Variants in PCDH9 observed in about 807,000 individuals in gnomAD.
The protein encoded by PCDH9 is protocadherin-9.
A neutral mutation model predicts 70.6 loss-of-function variants in PCDH9; 24 were observed. The ratio of observed to expected loss-of-function variants is 0.34; its 90% CI spans 0.25 to 0.48. The LOEUF (loss-of-function observed/expected upper bound fraction) is 0.48. Ranked by LOEUF, PCDH9 falls within the 20% of genes least tolerant of loss-of-function variation. The pLI is 0.99. For synonymous variants in PCDH9, 562 were observed against 558.5 expected, an observed-to-expected ratio of 1.01 and a Z score of -0.09; for missense variants, 1,281 against 1,503.6, an observed-to-expected ratio of 0.85 and a Z score of 2.45.
chr13:66,608,460 T>C (rs190517538), intron 4 of PCDH9, among the ~76,000 whole-genome samples: 1 of 152,210 alleles, frequency 6.6e-6, no homozygotes, highest in Non-Finnish European at 1.5e-5. Flanking sequence ...ATTAAGAAAG[T>C]TTCTTAGTTT....
chr13:66,514,378 A>G (rs922364584), intron 4 of PCDH9, among the ~76,000 whole-genome samples: 12 of 151,714 alleles, frequency 7.9e-5, no homozygotes, highest in Admixed American at 7.2e-4. Flanking sequence ...CAGCAGTAGT[A>G]TTGACGTGGT....
intron 3 of PCDH9, among the ~76,000 whole-genome samples, chr13:66,810,365 A>C (rs2080483049): frequency 6.6e-6 from 1 of 152,052 alleles, no homozygotes; most frequent in African/African-American, 2.4e-5. Context: ...TACAGTTCAA[A>C]AGATTGACTG....
chr13:66,764,027 G>A (rs987067827), intron 3 of PCDH9, among the ~76,000 whole-genome samples: 1 of 151,890 alleles, frequency 6.6e-6, no homozygotes. Flanking sequence ...TGAAACTCCT[G>A]ATCTTGGGTG....
At chr13:67,195,291 C>T (rs989878866) in intron 2 of PCDH9, among the ~76,000 whole-genome samples, 1 of 151,980 alleles carries the variant, frequency 6.6e-6, no homozygotes, top group African/African-American at 2.4e-5. Flanking sequence ...ACTACAGGCG[C>T]CCTCCACCAC....
At chr13:67,117,272 C>T (rs1286082114) in intron 2 of PCDH9, among the ~76,000 whole-genome samples, 1 of 152,116 alleles carries the variant, frequency 6.6e-6, no homozygotes, top group Admixed American at 6.6e-5. Flanking sequence ...CTATTGAAGG[C>T]GAGAGTAGGG....
intron 4 of PCDH9, among the ~76,000 whole-genome samples, chr13:66,610,842 T>C (rs2077285852): frequency 6.6e-6 from 1 of 152,182 alleles, no homozygotes; most frequent in African/African-American, 2.4e-5. Context: ...ATGATACCTT[T>C]TTTTAAGTCT....
chr13:66,551,138 T>C (rs1961468487), intron 4 of PCDH9, among the ~76,000 whole-genome samples: 1 of 152,176 alleles, frequency 6.6e-6, no homozygotes, highest in South Asian at 2.1e-4. Context: ...CTTTATTTTT[T>C]GCTGTTATTG....
intron 3 of PCDH9, among the ~76,000 whole-genome samples, chr13:66,902,427 A>G (rs1160820728): frequency 2.6e-4 from 39 of 151,750 alleles, no homozygotes; most frequent in South Asian, 8.3e-4. Context: ...ATACATTACC[A>G]GTGGGATTTT....
chr13:67,033,161 T>C (rs7981987), intron 2 of PCDH9, among the ~76,000 whole-genome samples: 43,769 of 152,046 alleles, frequency 0.29, 7,189 homozygotes, highest in African/African-American at 0.44. Flanking sequence ...AAGATATTTC[T>C]CTCTCTTTTC....
chr13:67,151,252 T>C (rs536703320), intron 2 of PCDH9, among the ~76,000 whole-genome samples: 1 of 152,336 alleles, frequency 6.6e-6, no homozygotes, highest in African/African-American at 2.4e-5. Flanking sequence ...GGGCCATTTA[T>C]TGTGATTTCT....
intron 4 of PCDH9, among the ~76,000 whole-genome samples, chr13:66,320,445 T>C (rs766196472): frequency 5.3e-5 from 8 of 152,068 alleles, no homozygotes; most frequent in Non-Finnish European, 1.2e-4. Context: ...CTTTATTTTT[T>C]AATCTAGTTG....
At chr13:66,440,597 G>A (rs905424240) in intron 4 of PCDH9, among the ~76,000 whole-genome samples, 1 of 152,014 alleles carries the variant, frequency 6.6e-6, no homozygotes, top group Admixed American at 6.6e-5. Context: ...TGTAGATGAT[G>A]AGAAAATAAG....
At chr13:66,702,034 C>T (rs2078654416) in intron 3 of PCDH9, among the ~76,000 whole-genome samples, 1 of 152,020 alleles carries the variant, frequency 6.6e-6, no homozygotes, top group Admixed American at 6.6e-5. Context: ...GCTGAGCTGC[C>T]CAGAGTGTAT....
chr13:66,377,348 C>T (rs1013056090), intron 4 of PCDH9, among the ~76,000 whole-genome samples: 2 of 152,024 alleles, frequency 1.3e-5, no homozygotes, highest in Non-Finnish European at 2.9e-5. Context: ...AGGTCTGGGA[C>T]GAGGCTCAAG....
chr13:66,609,954 C>CTTT (rs11333407), intron 4 of PCDH9, among the ~76,000 whole-genome samples: 68 of 117,106 alleles, frequency 5.8e-4, no homozygotes, highest in African/African-American at 7.1e-4. Flanking sequence ...GCATTTCCTT[C>CTTT]TTTTTTTTTT....
intron 3 of PCDH9, among the ~76,000 whole-genome samples, chr13:66,773,543 T>G (rs946214167): frequency 2.0e-5 from 3 of 150,754 alleles, no homozygotes; most frequent in African/African-American, 7.3e-5. Flanking sequence ...GGCAGGAGAA[T>G]GGCGTGAACC....
At chr13:66,407,093 T>C (rs1472937472) in intron 4 of PCDH9, among the ~76,000 whole-genome samples, 2 of 152,290 alleles carry the variant, frequency 1.3e-5, no homozygotes, top group East Asian at 3.9e-4. Context: ...CTTAAAAGCA[T>C]TAGAGGGTAA....
At chr13:66,364,902 G>A (rs1956528898) in intron 4 of PCDH9, among the ~76,000 whole-genome samples, 1 of 152,096 alleles carries the variant, frequency 6.6e-6, no homozygotes, top group Non-Finnish European at 1.5e-5. Context: ...TCAAATAGAG[G>A]CTCTGATGCT....
intron 4 of PCDH9, among the ~76,000 whole-genome samples, chr13:66,609,954 C>CTTTT (rs11333407): frequency 4.4e-4 from 52 of 117,108 alleles, no homozygotes; most frequent in East Asian, 7.2e-4. Flanking sequence ...GCATTTCCTT[C>CTTTT]TTTTTTTTTT....
Sources: gnomAD v4.1 joint callset for allele counts (sites outside exome capture counted in the v4.1 genomes callset) on GRCh38, gnomAD v4.1.1 for gene constraint, MANE v1.5 for transcripts, NCBI Gene and HGNC (gene_info 2026-07-23, HGNC 2026-07-21) for gene names.